The following VWA2 variants were observed in gnomAD, a reference collection of about 807,000 sequenced individuals.
VWA2 encodes von Willebrand factor A domain containing 2, also known as von Willebrand factor A domain-containing protein 2.
A neutral mutation model predicts 70.4 loss-of-function variants in VWA2; 73 were observed. That is an observed-to-expected ratio of 1.04 (90% CI 0.86 to 1.26). The LOEUF (loss-of-function observed/expected upper bound fraction) is 1.26. VWA2 is among the 50% of genes most tolerant of loss of function. The pLI is 0.00. For synonymous variants in VWA2, 407 were observed against 423.3 expected, an observed-to-expected ratio of 0.96 and a Z score of 0.47; for missense variants, 1,011 against 998.5, an observed-to-expected ratio of 1.01 and a Z score of -0.17.
chr10:114,249,263 A>G (rs2037144441), intron 2 of VWA2, among the ~76,000 whole-genome samples: 2 of 151,592 alleles, frequency 1.3e-5, no homozygotes, highest in Middle Eastern at 3.4e-3. Flanking sequence ...TATTTTATTT[A>G]TTTATTTATT....
chr10:114,241,305 A>G (rs1398354139), intron 1 of VWA2, among the ~76,000 whole-genome samples: 2 of 152,188 alleles, frequency 1.3e-5, no homozygotes, highest in Admixed American at 1.3e-4. Context: ...AAAATGACAT[A>G]AATCTGCCAT....
At chr10:114,266,984 TAATC>T (rs1370064569) in intron 5 of VWA2, among the ~76,000 whole-genome samples, 1 of 152,222 alleles carries the variant, frequency 6.6e-6, no homozygotes, top group Non-Finnish European at 1.5e-5. Context: ...GATTATTTAA[TAATC>T]CAAGTTCAGG....
chr10:114,262,642 C>A (rs552910587), intron 5 of VWA2, among the ~76,000 whole-genome samples: 4 of 152,106 alleles, frequency 2.6e-5, no homozygotes, highest in African/African-American at 9.7e-5. Context: ...TCTCAAGAAG[C>A]CTGAGGCCCC....
rs149756313 is a variant in VWA2, at chr10:114,278,755, C to T, written c.737C>T (p.Thr246Met). The T allele has an allele frequency of 1.5e-5, 24 of 1,613,834 alleles. No individual in the cohort carries two copies. Among genetic ancestry groups the T allele is most frequent in the Middle Eastern group, 1.7e-4 (1 of 5,894 alleles). The part of the protein sequence containing the change: ...RVEAHPCEHR[T>M]LEMVREFAGN... ...GAGGCTCACCCCTGTGAGCACAGGACGCTGGAGATGGTCCGGGAGTTCGCT... is the reference window on the plus strand; with the variant it reads ...GAGGCTCACCCCTGTGAGCACAGGATGCTGGAGATGGTCCGGGAGTTCGCT... The change falls in exon 8 of 14, where the codon ACG (threonine) becomes ATG (methionine). Residue 246 changes from threonine to methionine, a missense_variant. Thr to Met is a moderately conservative substitution (Grantham distance 81). Coordinates refer to ENST00000392982, the MANE Select transcript of VWA2 (RefSeq NM_001272046.2).
At chr10:114,243,673 A>G (rs912693474) in intron 1 of VWA2, among the ~76,000 whole-genome samples, 3 of 152,138 alleles carry the variant, frequency 2.0e-5, no homozygotes, top group African/African-American at 4.8e-5. Context: ...TTCATTTCCG[A>G]TGGTAGAGAA....
chr10:114,277,974 G>A lies in VWA2; in HGVS notation c.627G>A (p.Glu209=). 2 of 1,613,206 alleles carry A rather than the reference G, an allele frequency of 1.2e-6. No individual in the cohort carries two copies. Among genetic ancestry groups the A allele is most frequent in the Non-Finnish European group, 1.7e-6 (2 of 1,179,784 alleles). The change falls in exon 7 of 14, where the codon GAG becomes GAA. Residue 209 remains glutamate (E), a synonymous_variant. Transcript: ENST00000392982. ...GAGGGCAGCACGTGCTGTTGGCTGA[G>A]CAGGTGGAGGATGCCACCAACGGCC... ...EPRGQHVLLA[E]QVEDATNGLF...
At chr10:114,271,922 C>T (rs948389779) in intron 5 of VWA2, among the ~76,000 whole-genome samples, 2 of 152,304 alleles carry the variant, frequency 1.3e-5, no homozygotes, top group East Asian at 3.9e-4. Context: ...GGTTTGGCTG[C>T]AACAGGGACT....
intron 5 of VWA2, among the ~76,000 whole-genome samples, chr10:114,263,849 C>T (rs905414635): frequency 1.3e-5 from 2 of 152,124 alleles, no homozygotes; most frequent in Non-Finnish European, 1.5e-5. Flanking sequence ...CACAAAGAAA[C>T]CTTGTAAGTA....
chr10:114,271,608 A>AAC (rs142127208), intron 5 of VWA2, among the ~76,000 whole-genome samples: 18,562 of 144,656 alleles, frequency 0.13, 1,148 homozygotes, highest in African/African-American at 0.17. Context: ...GAGAAGTAAA[A>AAC]ACACACACAC....
At chr10:114,289,781 TCC>T in intron 12 of VWA2, 44 of 454,382 alleles carry the variant, frequency 9.7e-5, no homozygotes, top group South Asian at 1.8e-4. Flanking sequence ...TCCACAAGCT[TCC>T]TAAGGGTCTA....
In VWA2 at chr10:114,289,216, A is replaced by T. The variant is rs1348572253; in HGVS notation, c.1849A>T (p.Ile617Phe). The change falls in exon 12 of 14, where the codon ATC becomes TTC. Residue 617 changes from isoleucine to phenylalanine, a missense_variant. Physicochemically the swap from Ile to Phe is conservative, Grantham distance 21. Transcript: ENST00000392982. ...CTCAGCCGGCACCGCCCTGCTGCACATCTATGACAAAGTGATGACCGTCCA... is the reference window on the plus strand; with the variant it reads ...CTCAGCCGGCACCGCCCTGCTGCACTTCTATGACAAAGTGATGACCGTCCA... ...VGSAGTALLH[I>F]YDKVMTVQRG... is the part of the protein sequence containing the mutation. 1 of 1,613,718 alleles carries T rather than the reference A, an allele frequency of 6.2e-7. No individual in the cohort carries two copies. Among genetic ancestry groups the T allele is most frequent in the Admixed American group, 1.7e-5 (1 of 59,960 alleles).
At position 114,291,607 on chromosome 10, in the gene VWA2, C is replaced by A; in HGVS notation, c.*370C>A. ...GACTTAAATTTAGCGGCCTGACGTT[C>A]CTTTGCACACAATCAATGCTCGCCA... is the stretch of plus-strand genomic sequence containing the variant. On this transcript the variant is annotated 3_prime_UTR_variant, in exon 14 of 14. Transcript: ENST00000392982. 4.5e-6 allele frequency: 1 copy of A among 221,360 alleles called. No homozygotes were observed. Among genetic ancestry groups the A allele is most frequent in the Non-Finnish European group, 9.0e-6 (1 of 111,104 alleles). 13.7% of individuals were successfully genotyped at this position (221,360 alleles called of 1,614,324 possible).
chr10:114,278,100 G>T, intron 7 of VWA2, 53 bp downstream of exon 7: 1 of 1,576,578 alleles, frequency 6.3e-7, no homozygotes. Flanking sequence ...GTCGGGGAGG[G>T]CTCCCTGAGG....
chr10:114,285,861 T>C, intron 10 of VWA2, 78 bp from the exon 11 acceptor site: 3 of 1,396,326 alleles, frequency 2.1e-6, no homozygotes, highest in South Asian at 2.9e-5. Context: ...TCCTGGGAGA[T>C]GTTCGGCATC....
intron 11 of VWA2, among the ~76,000 whole-genome samples, chr10:114,287,254 C>T (rs2039017687): frequency 6.6e-6 from 1 of 152,202 alleles, no homozygotes; most frequent in Non-Finnish European, 1.5e-5. Flanking sequence ...GATCATAGCT[C>T]ACTGCAGCCT....
chr10:114,266,165 C>T (rs949951086), intron 5 of VWA2, among the ~76,000 whole-genome samples: 9 of 151,888 alleles, frequency 5.9e-5, no homozygotes, highest in Non-Finnish European at 8.8e-5. Flanking sequence ...GGCGTGGTGG[C>T]GGGCGCCTGT....
intron 8 of VWA2, among the ~76,000 whole-genome samples, chr10:114,281,416 C>T (rs2038105287): frequency 6.6e-6 from 1 of 152,176 alleles, no homozygotes; most frequent in African/African-American, 2.4e-5. Context: ...CCCAGCTCTG[C>T]TGTGTTCCGG....
At chr10:114,290,999 C>T (rs932931668) in intron 13 of VWA2, among the ~76,000 whole-genome samples, 3 of 152,086 alleles carry the variant, frequency 2.0e-5, no homozygotes, top group African/African-American at 4.8e-5. Flanking sequence ...CAAGTCCAGT[C>T]GGAGCCTTGG....
intron 3 of VWA2, 50 bp downstream of exon 3, chr10:114,253,775 G>T (rs1413241726): frequency 6.6e-7 from 1 of 1,513,664 alleles, no homozygotes; most frequent in African/African-American, 1.4e-5. Flanking sequence ...AGACCTCTGT[G>T]TGATGGACTG....
Sources: gnomAD v4.1 joint callset for allele counts (sites outside exome capture counted in the v4.1 genomes callset) on GRCh38, gnomAD v4.1.1 for gene constraint, MANE v1.5 for transcripts, NCBI Gene and HGNC (gene_info 2026-07-23, HGNC 2026-07-21) for gene names.